CTNNA2: variants seen among roughly 807,000 people sequenced by gnomAD.
CTNNA2 encodes the protein catenin alpha 2.
CTNNA2 carries 42 observed loss-of-function variants against 101.0 expected under a neutral mutation model. That is an observed-to-expected ratio of 0.42 (90% confidence interval 0.32 to 0.54). The LOEUF is 0.54. Ranked by LOEUF, CTNNA2 falls within the 20% of genes least tolerant of loss-of-function variation. The pLI is 0.14. For synonymous variants in CTNNA2, 450 were observed against 456.4 expected (o/e 0.99, Z 0.18); for missense variants, 871 against 1,223.1 (o/e 0.71, Z 4.29).
At chr2:79,482,481 G>A (rs1170346905) in intron 4 of CTNNA2, among the ~76,000 whole-genome samples, 3 of 152,168 alleles carry the variant, frequency 2.0e-5, no homozygotes, top group Non-Finnish European at 4.4e-5. Flanking sequence ...CTTAGGAATT[G>A]TGGCAGCGCA....
At chr2:79,962,577 A>G (rs968493184) in intron 7 of CTNNA2, among the ~76,000 whole-genome samples, 2 of 152,130 alleles carry the variant, frequency 1.3e-5, no homozygotes, top group African/African-American at 4.8e-5. Flanking sequence ...TTTAGGTATT[A>G]TGTGTTGCAT....
intron 7 of CTNNA2, among the ~76,000 whole-genome samples, chr2:80,150,128 A>G (rs916780816): frequency 1.3e-5 from 2 of 152,130 alleles, no homozygotes; most frequent in African/African-American, 4.8e-5. Flanking sequence ...TGAGATGGTC[A>G]CGCCTGCATT....
chr2:80,001,703 A>G (rs745818016), intron 7 of CTNNA2, among the ~76,000 whole-genome samples: 8 of 152,204 alleles, frequency 5.3e-5, no homozygotes, highest in Non-Finnish European at 8.8e-5. Flanking sequence ...TGGGATCCTG[A>G]TGTTGAGGAA....
At chr2:80,023,336 C>G (rs1409501608) in intron 7 of CTNNA2, among the ~76,000 whole-genome samples, 2 of 152,096 alleles carry the variant, frequency 1.3e-5, no homozygotes, top group Non-Finnish European at 2.9e-5. Context: ...TATTGAGCAC[C>G]TAAAATGTTC....
intron 3 of CTNNA2, among the ~76,000 whole-genome samples, chr2:79,844,458 G>A (rs1234707837): frequency 1.3e-5 from 2 of 152,140 alleles, no homozygotes; most frequent in Admixed American, 1.3e-4. Flanking sequence ...ATTTCCTGAC[G>A]TTTTGGATAC....
intron 2 of CTNNA2, among the ~76,000 whole-genome samples, chr2:79,715,037 C>CAAAAA (rs60331511): frequency 2.1e-5 from 2 of 97,136 alleles, no homozygotes; most frequent in East Asian, 5.8e-4. Context: ...CTAAAAATAC[C>CAAAAA]AAAAAAAAAA....
intron 1 of CTNNA2, among the ~76,000 whole-genome samples, chr2:79,601,120 A>T (rs1677528099): frequency 6.6e-6 from 1 of 152,220 alleles, no homozygotes; most frequent in Admixed American, 6.5e-5. Context: ...CACATTGCAG[A>T]TAGAAATATG....
At position 79,329,870 on chromosome 2, in the gene CTNNA2, C is replaced by T. The variant is rs144322946; in HGVS notation, c.-318+17074C>T. Among the ~76,000 whole-genome samples the T allele has an allele frequency of 4.3e-4, 66 of 152,256 alleles. No homozygotes were observed. The South Asian group carries it at 9.5e-3, about 22-fold the overall frequency. On this transcript the variant is annotated intron_variant, in intron 3 of 21. Coordinates refer to the CTNNA2 transcript ENST00000466387. ...TTCTTATCTACAAGAATGGCTTTGACGTAGACATCACTCTTCTCTTAGTGC... is the reference window on the plus strand; with the variant it reads ...TTCTTATCTACAAGAATGGCTTTGATGTAGACATCACTCTTCTCTTAGTGC...
At position 79,742,764 on chromosome 2, in the gene CTNNA2, A is replaced by AT. The variant is rs367709955; in HGVS notation, c.103-1616dup. Among the ~76,000 whole-genome samples, 1,286 of 152,148 alleles carry AT rather than the reference A, an allele frequency of 8.5e-3. 9 individuals carry two copies. The highest frequency in any genetic ancestry group is 0.018 in the South Asian group (85 of 4,820). The stretch of plus-strand genomic sequence containing the variant: ...TATTCTTATAGTTAATGATTTTGCC[A>AT]TTTTTTTGGCTAGTGTTTGTACTTA... On this transcript the variant is annotated intron_variant, in intron 2 of 18. Transcript: ENST00000402739.
chr2:80,362,385 G>T (rs1674497107), intron 7 of CTNNA2, among the ~76,000 whole-genome samples: 1 of 152,030 alleles, frequency 6.6e-6, no homozygotes, highest in Admixed American at 6.6e-5. Context: ...TCAACAGAGA[G>T]AATTATTTAC....
intron 7 of CTNNA2, among the ~76,000 whole-genome samples, chr2:79,929,651 G>A (rs886750025): frequency 6.6e-6 from 1 of 152,156 alleles, no homozygotes; most frequent in African/African-American, 2.4e-5. Context: ...TGCATCTGTT[G>A]GTTGTAGGAT....
chr2:79,813,049 G>A (rs1271305378), intron 3 of CTNNA2, among the ~76,000 whole-genome samples: 6 of 152,200 alleles, frequency 3.9e-5, no homozygotes, highest in Admixed American at 3.3e-4. Context: ...TTAGGTGACT[G>A]CAGTGACAGT....
intron 6 of CTNNA2, among the ~76,000 whole-genome samples, chr2:79,906,727 G>C (rs1231520737): frequency 2.6e-5 from 4 of 152,256 alleles, no homozygotes; most frequent in Admixed American, 1.3e-4. Flanking sequence ...TTCCCAAAGT[G>C]TGTTCCTTGG....
At chr2:80,018,737 T>C (rs1383368720) in intron 7 of CTNNA2, among the ~76,000 whole-genome samples, 2 of 145,610 alleles carry the variant, frequency 1.4e-5, no homozygotes, top group Non-Finnish European at 3.0e-5. Flanking sequence ...GCTAAGATCG[T>C]GCCACTGCAC....
At chr2:79,338,572 CTCATCATCTTCTTCT>C (rs1677050763) in intron 3 of CTNNA2, among the ~76,000 whole-genome samples, 2 of 127,164 alleles carry the variant, frequency 1.6e-5, no homozygotes, top group Non-Finnish European at 3.3e-5. Flanking sequence ...CTTCTTCCTC[CTCATCATCTTCTTCT>C]TCTTCTTCTT....
chr2:79,547,169 T>G (rs1418850138), intron 1 of CTNNA2: 1 of 152,162 alleles, frequency 6.6e-6, no homozygotes, highest in Non-Finnish European at 1.5e-5. Context: ...AGAATGACTC[T>G]TTGATGCAAA....
intron 7 of CTNNA2, among the ~76,000 whole-genome samples, chr2:80,018,808 C>T (rs1372623781): frequency 6.6e-6 from 1 of 150,838 alleles, no homozygotes; most frequent in Non-Finnish European, 1.5e-5. Flanking sequence ...AAATTGGGAC[C>T]TTTTGTTTTT....
chr2:80,285,173 T>G (rs1191678667), intron 7 of CTNNA2, among the ~76,000 whole-genome samples: 1 of 152,194 alleles, frequency 6.6e-6, no homozygotes, highest in Admixed American at 6.5e-5. Context: ...TTTTAGCCTT[T>G]ATCATGGCAG....
At chr2:80,616,004 ATCTTT>A (rs967227415) in intron 17 of CTNNA2, among the ~76,000 whole-genome samples, 55 of 151,762 alleles carry the variant, frequency 3.6e-4, no homozygotes, top group African/African-American at 1.3e-3. Flanking sequence ...CAGACTTTTA[ATCTTT>A]TCTTTTATCA....
Sources: gnomAD v4.1 joint callset for allele counts (sites outside exome capture counted in the v4.1 genomes callset) on GRCh38, gnomAD v4.1.1 for gene constraint, MANE v1.5 for transcripts, NCBI Gene and HGNC (gene_info 2026-07-23, HGNC 2026-07-21) for gene names.